Variants in DHX35 observed in about 807,000 individuals in gnomAD.
DHX35 encodes DEAH-box helicase 35.
Under a neutral mutation model 99.6 loss-of-function variants are expected in DHX35, and 84 were observed. That is an observed-to-expected ratio of 0.84 (90% confidence interval 0.71 to 1.01). DHX35 has a LOEUF of 1.01. Ranked by LOEUF, DHX35 falls within the 50% of genes least tolerant of loss-of-function variation. DHX35 has a pLI of 0.00. For synonymous variants in DHX35, 331 were observed against 316.2 expected, an observed-to-expected ratio of 1.05 and a Z score of -0.50; for missense variants, 852 against 888.5, an observed-to-expected ratio of 0.96 and a Z score of 0.52.
chr20:38,981,595 A>G (rs189654352), intron 3 of DHX35, among the ~76,000 whole-genome samples: 436 of 152,062 alleles, frequency 2.9e-3, no homozygotes, highest in African/African-American at 0.01. Flanking sequence ...GGCTTGTCTT[A>G]TATTTTTTCC....
intron 19 of DHX35, chr20:39,030,459 G>A: frequency 2.0e-6 from 1 of 507,030 alleles, no homozygotes; most frequent in Non-Finnish European, 3.5e-6. Context: ...ATTCCTAAAT[G>A]TTTTTTCTAA....
Position 39,003,804 on chromosome 20 carries a change from G to T in DHX35, c.908G>T (p.Arg303Leu), listed in dbSNP as rs770286887. 14 of 1,614,046 alleles carry T rather than the reference G, an allele frequency of 8.7e-6. No homozygotes were observed. The highest frequency in any genetic ancestry group is 1.1e-5 in the Non-Finnish European group (13 of 1,180,038). ...MLIEQARALA[R>L]TGMKRHLRVL... ...ATCGAGCAGGCTCGAGCACTAGCTC[G>T]CACTGGGATGAAGAGACACCTCCGA... The change falls in exon 11 of 22, where the codon CGC (arginine) becomes CTC (leucine). Residue 303 changes from arginine (R) to leucine (L), a missense_variant. Transcript: ENST00000252011.
intron 3 of DHX35, among the ~76,000 whole-genome samples, chr20:38,975,085 CT>C (rs918593656): frequency 6.7e-6 from 1 of 149,026 alleles, no homozygotes; most frequent in East Asian, 2.0e-4. Context: ...CTGTGTAGAT[CT>C]TTTTTTTTGT....
intron 1 of DHX35, among the ~76,000 whole-genome samples, chr20:38,964,612 G>A (rs986394175): frequency 1.3e-5 from 2 of 152,102 alleles, no homozygotes; most frequent in Non-Finnish European, 2.9e-5. Context: ...TGTATTTTTA[G>A]TAGAGATGGA....
intron 18 of DHX35, among the ~76,000 whole-genome samples, chr20:39,027,776 G>A (rs943379227): frequency 1.3e-5 from 2 of 152,188 alleles, no homozygotes; most frequent in Non-Finnish European, 2.9e-5. Flanking sequence ...TAGAAAAAGA[G>A]CGAGTCTTAA....
chr20:39,022,949 A>G (rs1359180600), intron 16 of DHX35, among the ~76,000 whole-genome samples: 1 of 152,222 alleles, frequency 6.6e-6, no homozygotes, highest in Non-Finnish European at 1.5e-5. Context: ...CTGAATTTGT[A>G]TGTGTAATGA....
rs777062738 is a variant in DHX35 at position 38,962,380 on chromosome 20, G to T, written c.13G>T (p.Val5Leu). 1.3e-5 allele frequency: 21 copies of T among 1,612,672 alleles called. No individual in the cohort carries two copies. In the South Asian group the frequency reaches 2.1e-4, roughly 16 times the overall value. The change falls in exon 1 of 22, where the codon GTG becomes TTG. Residue 5 changes from valine (V) to leucine (L), a missense_variant. Physicochemically the swap from Val to Leu is conservative, Grantham distance 32. Coordinates refer to ENST00000252011, the MANE Select transcript of DHX35 (RefSeq NM_021931.4). ...CTTTTACCCCAACATGGCTGCGCCC[G>T]TGGGACCGGTGAAGTTCTGGCGACC... MAAPVGPVKFWRPGT... is the reference protein window; with the variant it reads MAAPLGPVKFWRPGT...
intron 21 of DHX35, among the ~76,000 whole-genome samples, chr20:39,034,590 ATTT>A (rs58827630): frequency 1.6e-4 from 22 of 136,360 alleles, no homozygotes; most frequent in Admixed American, 5.1e-4. Context: ...CTTCCAAACT[ATTT>A]TTTTTTTTTT....
Position 39,039,480 on chromosome 20 carries a change from T to C in DHX35, c.*937T>C, listed in dbSNP as rs996599368. 2.0e-5 allele frequency: 3 copies of C among 152,670 alleles called. No homozygotes were observed. The East Asian group carries it at 5.8e-4, about 29-fold the overall frequency. The allele number at this position is 152,670 out of a possible 1,614,324, so 9.5% of individuals were successfully genotyped here. Reference sequence around the variant, plus strand: ...TTGCCCCAGGGCTGCTTTGCTGTGATGATGATTGCATTTCAACACATGCCA... The same window carrying C: ...TTGCCCCAGGGCTGCTTTGCTGTGACGATGATTGCATTTCAACACATGCCA... On this transcript the variant is annotated 3_prime_UTR_variant, in exon 22 of 22. Coordinates refer to ENST00000252011, the MANE Select transcript of DHX35 (RefSeq NM_021931.4).
intron 14 of DHX35, among the ~76,000 whole-genome samples, chr20:39,016,348 C>CA (rs1158074131): frequency 6.6e-6 from 1 of 152,166 alleles, no homozygotes; most frequent in East Asian, 1.9e-4. Flanking sequence ...CCAACACTGT[C>CA]ACGTTGGGGA....
At chr20:39,008,158 G>A (rs1219561465) in intron 12 of DHX35, among the ~76,000 whole-genome samples, 1 of 152,186 alleles carries the variant, frequency 6.6e-6, no homozygotes, top group African/African-American at 2.4e-5. Context: ...GACCTTTTGT[G>A]TCTGGCTTCT....
chr20:39,035,839 A>G (rs1049125060), intron 21 of DHX35, among the ~76,000 whole-genome samples: 1 of 152,204 alleles, frequency 6.6e-6, no homozygotes, highest in African/African-American at 2.4e-5. Context: ...AAATTTTATA[A>G]TATTTAATTT....
chr20:39,030,645 G>A lies in DHX35; in HGVS notation c.1884-59G>A. ...TTGGTAATATTAAAAATATCTGTGG[G>A]AAAGTCTTGCTATAAGTATTTAAAA... On this transcript the variant is annotated intron_variant, in intron 19 of 21. Transcript: ENST00000252011. 2.0e-6 allele frequency: 3 copies of A among 1,485,244 alleles called. No homozygotes were observed. In the South Asian group the frequency reaches 3.5e-5, roughly 17 times the overall value. 92.0% of individuals were successfully genotyped at this position (1,485,244 alleles called of 1,614,324 possible).
intron 13 of DHX35, among the ~76,000 whole-genome samples, chr20:39,012,533 A>ATT (rs753499361): frequency 1.4e-5 from 2 of 145,272 alleles, no homozygotes; most frequent in African/African-American, 2.5e-5. Context: ...CTTTACACTA[A>ATT]TTTTTTTTTT....
chr20:38,976,462 T>A (rs1005592005), intron 3 of DHX35, among the ~76,000 whole-genome samples: 6 of 151,798 alleles, frequency 4.0e-5, no homozygotes, highest in African/African-American at 1.5e-4. Context: ...AAAAAAAAAC[T>A]GTTTTGAATT....
In DHX35 at chr20:38,962,399, G is replaced by A. The variant is rs1199742751; in HGVS notation, c.32G>A (p.Trp11Ter). The change falls in exon 1 of 22, where the codon TGG becomes TAG. Residue 11 changes from tryptophan (W) to a stop codon, truncating the protein, a stop_gained. Transcript: ENST00000252011. LOFTEE classifies it high-confidence loss of function. Reference protein sequence around the residue: MAAPVGPVKFWRPGTEGPGVS... With the variant: MAAPVGPVKF ...GCGCCCGTGGGACCGGTGAAGTTCTGGCGACCCGGTAAGGCCCTTGGTGGA... is the reference window on the plus strand; with the variant it reads ...GCGCCCGTGGGACCGGTGAAGTTCTAGCGACCCGGTAAGGCCCTTGGTGGA... 2 of 1,612,902 alleles carry A rather than the reference G, an allele frequency of 1.2e-6. No individual in the cohort carries two copies. Among genetic ancestry groups the A allele is most frequent in the Non-Finnish European group, 8.5e-7 (1 of 1,179,366 alleles).
intron 21 of DHX35, among the ~76,000 whole-genome samples, chr20:39,037,841 A>G (rs1260613043): frequency 6.6e-6 from 1 of 152,010 alleles, no homozygotes; most frequent in Non-Finnish European, 1.5e-5. Context: ...AAAATACTTC[A>G]TTTTCCAATC....
chr20:39,033,996 A>T (rs960793249), intron 20 of DHX35, among the ~76,000 whole-genome samples: 1 of 152,208 alleles, frequency 6.6e-6, no homozygotes. Context: ...GTCATTGAGG[A>T]TTTAGAGTCT....
chr20:39,018,730 A>T, intron 14 of DHX35, 74 bp from the exon 15 acceptor site: 1 of 1,405,818 alleles, frequency 7.1e-7, no homozygotes, highest in Admixed American at 1.8e-5. Context: ...ATTATCTTTT[A>T]TTCTCTCAGC....
Sources: allele counts gnomAD v4.1 joint callset (sites outside exome capture counted in the v4.1 genomes callset), GRCh38; gene constraint gnomAD v4.1.1; transcripts MANE v1.5; gene names NCBI Gene and HGNC (gene_info 2026-07-23, HGNC 2026-07-21).